HMCN1: variants seen among roughly 807,000 people sequenced by gnomAD.
The protein encoded by HMCN1 is hemicentin 1.
Under a neutral mutation model 625.9 loss-of-function variants are expected in HMCN1, and 321 were observed. That is an observed-to-expected ratio of 0.51 (90% CI 0.47 to 0.56). HMCN1 has a LOEUF of 0.56. Among genes scored for constraint, HMCN1 ranks in the 20% least tolerant of loss-of-function variants. The pLI is 0.00. For synonymous variants in HMCN1, 2,425 were observed against 2,417.6 expected (o/e 1.00, Z -0.09); for missense variants, 6,588 against 6,887.3 (o/e 0.96, Z 1.54).
rs5779265 is a variant in HMCN1 at position 185,940,366 on chromosome 1, T to TA, written c.1828+6551dup. ...CTTTGTCATGTTCCATTTCACTTAT[T>TA]AAAAAAAAACTGTCATGGCTAAGTT... On this transcript the variant is annotated intron_variant, in intron 11 of 106. Transcript: ENST00000271588. Among the ~76,000 whole-genome samples the TA allele has an allele frequency of 7.6e-4, 115 of 151,694 alleles. 1 individual carries two copies. The highest frequency in any genetic ancestry group is 6.3e-4 in the South Asian group (3 of 4,792).
chr1:186,039,919 T>C (rs371968972), intron 39 of HMCN1, 40 bp downstream of exon 39: 10 of 1,579,358 alleles, frequency 6.3e-6, no homozygotes, highest in Non-Finnish European at 8.7e-6. Context: ...TACCACCTGA[T>C]TATTCAGTAC....
intron 4 of HMCN1, among the ~76,000 whole-genome samples, chr1:185,877,944 T>G (rs1024208545): frequency 2.6e-5 from 4 of 152,090 alleles, no homozygotes; most frequent in Non-Finnish European, 4.4e-5. Context: ...TTGTCCCCAT[T>G]GGTTCTCATT....
chr1:185,863,039 T>C lies in HMCN1; in HGVS notation c.340-1431T>C, dbSNP rs147063957. Among the ~76,000 whole-genome samples, 402 of 152,334 alleles carry C rather than the reference T, an allele frequency of 2.6e-3. 2 individuals are homozygous for C. The highest frequency in any genetic ancestry group is 4.4e-3 in the Non-Finnish European group (302 of 68,022). On this transcript the variant is annotated intron_variant, in intron 2 of 106. Transcript: ENST00000271588. ...CTTGGTTCTTATGACCCTGATTAGA[T>C]CTATGGTGTTCACGGTATCTGTATC... is the stretch of plus-strand genomic sequence containing the variant.
intron 11 of HMCN1, among the ~76,000 whole-genome samples, chr1:185,936,241 A>G (rs1037033888): frequency 4.6e-5 from 7 of 152,132 alleles, no homozygotes; most frequent in Non-Finnish European, 1.0e-4. Flanking sequence ...TCTTTAAGAT[A>G]GTATATGTCT....
At chr1:186,181,301 A>G (rs1278245139) in intron 104 of HMCN1, among the ~76,000 whole-genome samples, 2 of 152,166 alleles carry the variant, frequency 1.3e-5, no homozygotes, top group Non-Finnish European at 2.9e-5. Flanking sequence ...CACCACTGGG[A>G]CAAGAAATCT....
chr1:185,825,929 C>T (rs892826861), intron 1 of HMCN1, among the ~76,000 whole-genome samples: 1 of 152,070 alleles, frequency 6.6e-6, no homozygotes. Flanking sequence ...AGAAATAATA[C>T]AATCTAATCA....
chr1:185,923,217 A>G (rs1273205486), intron 7 of HMCN1, among the ~76,000 whole-genome samples, 173 bp from the exon 8 acceptor site: 1 of 152,200 alleles, frequency 6.6e-6, no homozygotes, highest in African/African-American at 2.4e-5. Flanking sequence ...GGATTTCCTA[A>G]GTTTCTCTGG....
rs1304896659 is a variant in HMCN1, at chr1:186,114,881, G to A, written c.11339G>A (p.Arg3780Gln). Residue 3780 changes from arginine to glutamine, a missense_variant, in exon 74 of 107, where the codon CGG becomes CAG. Transcript: ENST00000271588. ...TCAGCACATGTCACTGACACTGGAC[G>A]GTATTTGTGTATGGCCACCAATGCT... ...IQSAHVTDTG[R>Q]YLCMATNAAG... 5.6e-6 allele frequency: 9 copies of A among 1,614,036 alleles called. No individual in the cohort carries two copies. The highest frequency in any genetic ancestry group is 5.9e-6 in the Non-Finnish European group (7 of 1,179,914).
intron 16 of HMCN1, among the ~76,000 whole-genome samples, chr1:185,980,683 C>T (rs958356440): frequency 1.3e-5 from 2 of 152,140 alleles, no homozygotes; most frequent in Admixed American, 6.5e-5. Context: ...CCTTTGTAAC[C>T]GATTAGAACT....
At chr1:186,077,404 T>G (rs1658890007) in intron 54 of HMCN1, among the ~76,000 whole-genome samples, 1 of 152,098 alleles carries the variant, frequency 6.6e-6, no homozygotes, top group Non-Finnish European at 1.5e-5. Context: ...AAATTTTCTG[T>G]TTTTAATCAT....
intron 4 of HMCN1, among the ~76,000 whole-genome samples, chr1:185,883,307 A>C (rs951682466): frequency 2.6e-5 from 4 of 152,040 alleles, no homozygotes; most frequent in African/African-American, 9.7e-5. Flanking sequence ...CATTCATATT[A>C]AGTGTGCATT....
rs567130078 is a variant in HMCN1, at chr1:186,098,640, T to G, written c.10573+3119T>G. On this transcript the variant is annotated intron_variant, in intron 68 of 106. Transcript: ENST00000271588. The stretch of plus-strand genomic sequence containing the variant: ...ATGAAAACAGAGGTTCCTAAAAAAA[T>G]TAAGAATAGAACTACCATATGGTTC... 4.6e-5 allele frequency among the ~76,000 whole-genome samples: 7 copies of G among 152,078 alleles called. No homozygotes were observed. The South Asian group carries it at 1.2e-3, about 27-fold the overall frequency.
chr1:185,743,620 T>C (rs1445791712), intron 1 of HMCN1, among the ~76,000 whole-genome samples: 1 of 152,244 alleles, frequency 6.6e-6, no homozygotes, highest in Non-Finnish European at 1.5e-5. Flanking sequence ...GTTGTAAGTG[T>C]TCTCACAAAT....
At chr1:186,013,129 A>G (rs1427091155) in intron 30 of HMCN1, among the ~76,000 whole-genome samples, 2 of 152,142 alleles carry the variant, frequency 1.3e-5, no homozygotes, top group Admixed American at 6.6e-5. Context: ...AGAATACCGT[A>G]TTTGGTTTTT....
rs1445813644 is a variant in HMCN1, at chr1:186,178,725, C to T, written c.16253C>T (p.Thr5418Ile). ...AGGACTAGAAGGACTATTAGGAAAA[C>T]TTGCCCTGAAGGCTCTGAGGCAAGC... The part of the protein sequence containing the change: ...LSRTRRTIRK[T>I]CPEGSEASHD... The change falls in exon 104 of 107, where the codon ACT (threonine) becomes ATT (isoleucine). Residue 5418 changes from threonine (T) to isoleucine (I), a missense_variant. Around this residue, in one of 3 missense-constraint regions of HMCN1, gnomAD observed 1,954 missense variants for 2,013.1 expected, o/e 0.97. Transcript: ENST00000271588. The T allele has an allele frequency of 3.7e-6, 6 of 1,614,056 alleles. No individual in the cohort carries two copies. Among genetic ancestry groups the T allele is most frequent in the Non-Finnish European group, 5.1e-6 (6 of 1,179,906 alleles).
chr1:186,085,872 A>G (rs969247479), intron 57 of HMCN1, among the ~76,000 whole-genome samples: 1 of 152,108 alleles, frequency 6.6e-6, no homozygotes, highest in African/African-American at 2.4e-5. Flanking sequence ...AATTCTCACT[A>G]TTATCTCCTT....
chr1:185,928,304 T>G (rs985174952), intron 9 of HMCN1, among the ~76,000 whole-genome samples: 1 of 152,168 alleles, frequency 6.6e-6, no homozygotes, highest in African/African-American at 2.4e-5. Context: ...TTTCTCTAAA[T>G]AAATTTTCAA....
In HMCN1 at chr1:186,061,847, G is replaced by T. The variant is rs1409773429; in HGVS notation, c.7313-4G>T. 1 of 1,596,792 alleles carries T rather than the reference G, an allele frequency of 6.3e-7. No individual in the cohort carries two copies. Among genetic ancestry groups the T allele is most frequent in the African/African-American group, 1.3e-5 (1 of 74,476 alleles). The stretch of plus-strand genomic sequence containing the variant: ...TATCTTAAAAAGATGGTTTGCTTCT[G>T]CAGGAGGCAGGATGCTACGGCTGAT... On this transcript the variant is annotated splice_region_variant and splice_polypyrimidine_tract_variant and intron_variant, in intron 46 of 106. Coordinates refer to ENST00000271588, the MANE Select transcript of HMCN1 (RefSeq NM_031935.3).
intron 105 of HMCN1, among the ~76,000 whole-genome samples, chr1:186,186,605 A>C (rs570316765): frequency 1.3e-5 from 2 of 152,310 alleles, no homozygotes; most frequent in South Asian, 4.1e-4. Flanking sequence ...CACCTCTATC[A>C]GTCTTTATTA....
Sources: allele counts gnomAD v4.1 joint callset (sites outside exome capture counted in the v4.1 genomes callset), GRCh38; gene constraint gnomAD v4.1.1; regional missense constraint gnomAD v4.1.1; transcripts MANE v1.5; gene names NCBI Gene and HGNC (gene_info 2026-07-23, HGNC 2026-07-21).